Variants in ZC3H12B observed in about 807,000 individuals in gnomAD.
ZC3H12B encodes probable ribonuclease ZC3H12B.
Under a neutral mutation model 43.9 loss-of-function variants are expected in ZC3H12B, and 7 were observed. The observed-to-expected ratio is 0.16, with a 90% CI of 0.09 to 0.30. The LOEUF (loss-of-function observed/expected upper bound fraction) is 0.30, where lower values mean the gene tolerates loss of function less well. Among genes scored for constraint, ZC3H12B ranks in the 10% least tolerant of loss-of-function variants. The pLI is 1.00. For missense variants in ZC3H12B, 475 were observed against 670.2 expected (o/e 0.71, Z 3.22); for synonymous variants, 222 against 241.7 (o/e 0.92, Z 0.76).
the ZC3H12B span, among the ~76,000 whole-genome samples, chrX:65,118,176 G>A: frequency 9.0e-6 from 1 of 111,692 alleles, no homozygotes; most frequent in East Asian, 2.8e-4. Flanking sequence ...TCATGATATT[G>A]ATTCTTCCTA....
At chrX:65,062,992 A>T in the ZC3H12B span, among the ~76,000 whole-genome samples, 3 of 111,190 alleles carry the variant, frequency 2.7e-5, no homozygotes, top group Non-Finnish European at 5.7e-5. Context: ...AATGCTTGTG[A>T]TTTTTGCACT....
At chrX:65,452,757 C>A (rs1340852539) in intron 3 of ZC3H12B, among the ~76,000 whole-genome samples, 1 of 109,265 alleles carries the variant, frequency 9.2e-6, no homozygotes, top group African/African-American at 3.4e-5. Context: ...AGGAGAATTG[C>A]TTGAACCTGA....
the ZC3H12B span, among the ~76,000 whole-genome samples, chrX:65,140,604 A>G: frequency 2.7e-5 from 3 of 111,514 alleles, no homozygotes; most frequent in Admixed American, 9.5e-5. Context: ...TGGCTTTGGT[A>G]TTACGTCTTC....
chrX:65,456,884 C>T (rs757922057), intron 3 of ZC3H12B, among the ~76,000 whole-genome samples: 10 of 109,092 alleles, frequency 9.2e-5, no homozygotes, highest in Admixed American at 5.8e-4. Context: ...AAGTGAGGAG[C>T]GTCTCTGCCT....
the ZC3H12B span, among the ~76,000 whole-genome samples, chrX:65,056,661 C>T: frequency 9.0e-6 from 1 of 111,256 alleles, no homozygotes; most frequent in African/African-American, 3.3e-5. Flanking sequence ...CTTTCTGTCT[C>T]ATTGATCTGT....
At chrX:65,230,695 A>G in the ZC3H12B span, among the ~76,000 whole-genome samples, 2 of 110,913 alleles carry the variant, frequency 1.8e-5, no homozygotes, top group East Asian at 5.6e-4. Flanking sequence ...TTTTTCTTCA[A>G]ACATGAAAGA....
the ZC3H12B span, among the ~76,000 whole-genome samples, chrX:65,123,061 G>T: frequency 8.9e-6 from 1 of 111,980 alleles, no homozygotes; most frequent in Non-Finnish European, 1.9e-5. Context: ...TTGGCTGTGG[G>T]TTTGTCATAA....
intron 3 of ZC3H12B, among the ~76,000 whole-genome samples, chrX:65,407,453 C>A (rs1179106699): frequency 1.8e-5 from 2 of 112,960 alleles, no homozygotes; most frequent in Admixed American, 9.2e-5. Flanking sequence ...GAGCCTCCGC[C>A]GCGTCCTCAA....
At chrX:65,060,212 C>T in the ZC3H12B span, among the ~76,000 whole-genome samples, 2 of 112,054 alleles carry the variant, frequency 1.8e-5, no homozygotes, top group African/African-American at 6.5e-5. Flanking sequence ...TATATTTCTC[C>T]TGTCTCATTG....
the ZC3H12B span, among the ~76,000 whole-genome samples, chrX:65,301,098 A>T: frequency 1.8e-5 from 2 of 111,715 alleles, no homozygotes; most frequent in Admixed American, 1.9e-4. Context: ...CAACATCACT[A>T]TTGATCAGGA....
chrX:65,072,247 A>G, the ZC3H12B span, among the ~76,000 whole-genome samples: 8 of 112,149 alleles, frequency 7.1e-5, no homozygotes, highest in Non-Finnish European at 1.3e-4. Flanking sequence ...TTCTGCTATT[A>G]ATACTTGTGA....
chrX:65,468,472 T>C (rs1434949092), intron 3 of ZC3H12B, among the ~76,000 whole-genome samples: 3 of 102,366 alleles, frequency 2.9e-5, no homozygotes, highest in Non-Finnish European at 5.7e-5. Flanking sequence ...TTAGGATTGT[T>C]TATTCTTTCT....
At chrX:65,180,847 A>G in the ZC3H12B span, among the ~76,000 whole-genome samples, 3 of 111,825 alleles carry the variant, frequency 2.7e-5, no homozygotes, top group South Asian at 3.7e-4. Flanking sequence ...TATAGATTCA[A>G]TGCTGTTTCC....
At chrX:65,171,917 C>G in the ZC3H12B span, among the ~76,000 whole-genome samples, 2 of 111,285 alleles carry the variant, frequency 1.8e-5, no homozygotes, top group African/African-American at 6.5e-5. Flanking sequence ...TGGGAATATC[C>G]CAATTTTCGA....
At chrX:65,488,780 C>A in exon 1 of ZC3H12B, 1 of 1,145,832 alleles carries the variant, frequency 8.7e-7, no homozygotes, top group Non-Finnish European at 1.2e-6. Context: ...CTGATTAGAC[C>A]TCAGACGACC....
At chrX:65,503,085 A>G in exon 5 of ZC3H12B, 1 of 1,211,451 alleles carries the variant, frequency 8.3e-7, no homozygotes, top group Non-Finnish European at 1.1e-6. Context: ...TATCAGACCT[A>G]CAAGAACCTC....
chrX:65,367,848 C>T (rs895885702), intron 1 of ZC3H12B, among the ~76,000 whole-genome samples: 11 of 111,046 alleles, frequency 9.9e-5, no homozygotes. Flanking sequence ...AGAAACAACA[C>T]AAAACCCTCA....
At chrX:65,307,862 C>A in the ZC3H12B span, among the ~76,000 whole-genome samples, 7 of 111,265 alleles carry the variant, frequency 6.3e-5, no homozygotes, top group Admixed American at 2.9e-4. Flanking sequence ...CTGTATGGGA[C>A]AAAGATAAAA....
At chrX:65,244,947 T>A in the ZC3H12B span, among the ~76,000 whole-genome samples, 1 of 110,480 alleles carries the variant, frequency 9.1e-6, no homozygotes, top group African/African-American at 3.3e-5. Flanking sequence ...TATCTTAGGG[T>A]CTTCATTTGA....
Sources: gnomAD v4.1 joint callset for allele counts (sites outside exome capture counted in the v4.1 genomes callset) on GRCh38, gnomAD v4.1.1 for gene constraint, MANE v1.5 for transcripts, NCBI Gene and HGNC (gene_info 2026-07-23, HGNC 2026-07-21) for gene names.